CSMD3: variants seen among roughly 807,000 people sequenced by gnomAD.
CSMD3 encodes CUB and sushi domain-containing protein 3.
CSMD3 carries 177 observed loss-of-function variants against 435.2 expected under a neutral mutation model. The observed-to-expected ratio is 0.41, with a 90% CI of 0.36 to 0.46. The LOEUF is 0.46. Among genes scored for constraint, CSMD3 ranks in the 20% least tolerant of loss-of-function variants. The pLI, the probability that CSMD3 is intolerant of heterozygous loss-of-function variation, is 0.34. For synonymous variants in CSMD3, 1,656 were observed against 1,520.5 expected (o/e 1.09, Z -2.07); for missense variants, 4,265 against 4,504.6 (o/e 0.95, Z 1.52).
At chr8:113,343,449 T>C (rs1158900861) in intron 1 of CSMD3, among the ~76,000 whole-genome samples, 2 of 152,112 alleles carry the variant, frequency 1.3e-5, no homozygotes, top group African/African-American at 4.8e-5. Context: ...GAAAAAAATA[T>C]GTGAAACAAA....
At chr8:113,191,405 G>T (rs147158124) in intron 3 of CSMD3, among the ~76,000 whole-genome samples, 1 of 151,342 alleles carries the variant, frequency 6.6e-6, no homozygotes, top group African/African-American at 2.4e-5. Flanking sequence ...TCCTTCCCAG[G>T]TCCAGAAGTC....
chr8:112,726,474 G>A (rs1475474193), intron 13 of CSMD3, among the ~76,000 whole-genome samples: 4 of 151,730 alleles, frequency 2.6e-5, no homozygotes, highest in Non-Finnish European at 5.9e-5. Context: ...AGCAGGAAAT[G>A]GATTAGCAAA....
rs1029590970 is a variant in CSMD3, at chr8:112,289,507, A to T, written c.9006T>A (p.Pro3002=). Residue 3002 remains proline (P), a synonymous_variant, in exon 57 of 71, where the codon CCT becomes CCA. Coordinates refer to ENST00000297405, the MANE Select transcript of CSMD3 (RefSeq NM_198123.2). ...MIDCGHPGVP[P]NAVLSGEKYT... is the part of the protein sequence containing the mutation. ...ACTTCTCGCCAGACAGGACTGCATT[A>T]GGAGGAACGCCAGGGTGTCCACAGT... 1.9e-6 allele frequency: 3 copies of T among 1,612,646 alleles called. No homozygotes were observed.
intron 1 of CSMD3, among the ~76,000 whole-genome samples, chr8:113,315,066 T>C (rs1588499960): frequency 6.6e-6 from 1 of 152,204 alleles, no homozygotes; most frequent in African/African-American, 2.4e-5. Flanking sequence ...TGATTCATTA[T>C]CCATTACAGG....
At chr8:112,510,324 T>A (rs984567853) in intron 28 of CSMD3, among the ~76,000 whole-genome samples, 1 of 152,242 alleles carries the variant, frequency 6.6e-6, no homozygotes, top group African/African-American at 2.4e-5. Context: ...ACAGCCTTCA[T>A]GATCTGACCC....
At chr8:112,509,762 T>C (rs1443023853) in intron 28 of CSMD3, among the ~76,000 whole-genome samples, 1 of 152,172 alleles carries the variant, frequency 6.6e-6, no homozygotes, top group African/African-American at 2.4e-5. Flanking sequence ...TAATTTCTAC[T>C]GGTACATTTT....
In CSMD3 at chr8:112,954,717, GA is replaced by G; in HGVS notation, c.1386del (p.Pro463GlnfsTer12). On this transcript the variant is annotated frameshift_variant, in exon 8 of 71. Coordinates refer to ENST00000297405, the MANE Select transcript of CSMD3 (RefSeq NM_198123.2). LOFTEE classifies it high-confidence loss of function. ...IDFKSRGFKL[F>X]PGKDNSNKFS... ...AACTTGTTGCTGTTGTCTTTCCCTG[GA>G]AACAATTTAAATCCTCTAGATTTAA... The G allele has an allele frequency of 1.2e-6, 2 of 1,603,724 alleles. No individual in the cohort carries two copies. The highest frequency in any genetic ancestry group is 1.7e-6 in the Non-Finnish European group (2 of 1,171,868).
chr8:112,497,233 T>C (rs1314990962), intron 30 of CSMD3, among the ~76,000 whole-genome samples: 1 of 152,018 alleles, frequency 6.6e-6, no homozygotes, highest in African/African-American at 2.4e-5. Context: ...GGGTGGGAAG[T>C]GGGGACAGTT....
At chr8:113,226,830 A>G (rs528075861) in intron 3 of CSMD3, among the ~76,000 whole-genome samples, 83 of 151,712 alleles carry the variant, frequency 5.5e-4, no homozygotes, top group Middle Eastern at 3.4e-3. Flanking sequence ...AACAATAGGT[A>G]TAACAATTGT....
At chr8:113,034,068 A>C (rs1056322793) in intron 5 of CSMD3, among the ~76,000 whole-genome samples, 1 of 151,586 alleles carries the variant, frequency 6.6e-6, no homozygotes, top group Admixed American at 6.6e-5. Flanking sequence ...CCTCACATCC[A>C]TGCAGAACTG....
At chr8:112,945,464 C>T (rs2083573927) in intron 9 of CSMD3, among the ~76,000 whole-genome samples, 1 of 151,640 alleles carries the variant, frequency 6.6e-6, no homozygotes, top group African/African-American at 2.4e-5. Context: ...CCTATGGGTA[C>T]ACATGGTGAG....
intron 1 of CSMD3, among the ~76,000 whole-genome samples, chr8:113,334,695 T>G (rs970149373): frequency 6.6e-6 from 1 of 152,106 alleles, no homozygotes; most frequent in Non-Finnish European, 1.5e-5. Flanking sequence ...GTCAGGAGAT[T>G]TCTCTTTTCT....
intron 1 of CSMD3, among the ~76,000 whole-genome samples, chr8:113,315,735 T>A (rs2093904895): frequency 6.7e-6 from 1 of 150,042 alleles, no homozygotes; most frequent in South Asian, 2.1e-4. Flanking sequence ...ATATATTTTT[T>A]TGAGACAGAA....
chr8:113,168,957 C>T (rs2131867081), intron 4 of CSMD3, among the ~76,000 whole-genome samples: 1 of 152,104 alleles, frequency 6.6e-6, no homozygotes, highest in South Asian at 2.1e-4. Flanking sequence ...AATAAATATC[C>T]TTTCATTAAC....
chr8:112,244,304 T>C, intron 65 of CSMD3, 90 bp downstream of exon 65: 1 of 1,086,452 alleles, frequency 9.2e-7, no homozygotes, highest in Non-Finnish European at 1.4e-6. Flanking sequence ...CCCTTGTTCC[T>C]ATGCTAATTT....
intron 7 of CSMD3, among the ~76,000 whole-genome samples, chr8:112,961,451 A>G (rs1287695719): frequency 6.6e-6 from 1 of 151,904 alleles, no homozygotes; most frequent in Non-Finnish European, 1.5e-5. Flanking sequence ...CTCCACTAAC[A>G]AGACCATTTT....
chr8:112,370,566 C>T (rs1828293055), intron 38 of CSMD3, among the ~76,000 whole-genome samples: 1 of 152,120 alleles, frequency 6.6e-6, no homozygotes, highest in African/African-American at 2.4e-5. Flanking sequence ...GTGGTATTGG[C>T]TCTAGCTGTT....
chr8:113,419,493 G>A (rs778086809), intron 1 of CSMD3, among the ~76,000 whole-genome samples: 34 of 152,060 alleles, frequency 2.2e-4, no homozygotes, highest in Non-Finnish European at 2.9e-5. Flanking sequence ...ATTTTTGAAG[G>A]ACTAGTCTGC....
chr8:112,237,211 T>G lies in CSMD3; in HGVS notation c.10606A>C (p.Asn3536His), dbSNP rs1296366152. 6.2e-7 allele frequency: 1 copy of G among 1,613,664 alleles called. No individual in the cohort carries two copies. Among genetic ancestry groups the G allele is most frequent in the South Asian group, 1.1e-5 (1 of 91,080 alleles). The change falls in exon 67 of 71, where the codon AAC (asparagine) becomes CAC (histidine). Residue 3536 changes from asparagine (N) to histidine (H), a missense_variant. Coordinates refer to ENST00000297405, the MANE Select transcript of CSMD3 (RefSeq NM_198123.2). Reference protein sequence around the residue: ...GRVNATLSNSNMELLLSGVYK... With the variant: ...GRVNATLSNSHMELLLSGVYK... ...ATACCTGAAAGTAGCAGCTCCATGT[T>G]GCTATTGCTCAGTGTTGCGTTAACT...
Sources: allele counts gnomAD v4.1 joint callset (sites outside exome capture counted in the v4.1 genomes callset), GRCh38; gene constraint gnomAD v4.1.1; transcripts MANE v1.5; gene names NCBI Gene and HGNC (gene_info 2026-07-23, HGNC 2026-07-21).